The following CDH13 variants were observed in gnomAD, a reference collection of about 807,000 sequenced individuals.
CDH13 encodes the protein cadherin-13.
In CDH13, 24 loss-of-function variants were observed where a neutral mutation model predicts 63.8. The observed-to-expected ratio is 0.38, with a 90% CI of 0.27 to 0.53. The LOEUF is 0.53. Among genes scored for constraint, CDH13 ranks in the 20% least tolerant of loss-of-function variants. The probability of loss-of-function intolerance (pLI) is 0.85; values close to 1 mark genes in which losing one functional copy is unlikely to be tolerated. For missense variants in CDH13, 1,049 were observed against 903.1 expected (o/e 1.16, Z -2.07); for synonymous variants, 503 against 355.3 (o/e 1.42, Z -4.67).
chr16:83,613,008 T>C (rs569246866), intron 8 of CDH13, among the ~76,000 whole-genome samples: 16 of 152,324 alleles, frequency 1.1e-4, no homozygotes, highest in African/African-American at 3.8e-4. Flanking sequence ...TTCTCTCATA[T>C]ATTATCTAAA....
intron 4 of CDH13, among the ~76,000 whole-genome samples, chr16:83,186,175 A>G (rs2038517158): frequency 6.7e-6 from 1 of 149,774 alleles, no homozygotes; most frequent in Admixed American, 6.8e-5. Context: ...TCACTATGTC[A>G]CCAGGCTGGA....
intron 4 of CDH13, among the ~76,000 whole-genome samples, chr16:83,202,816 C>T (rs751512850): frequency 4.6e-5 from 7 of 151,976 alleles, no homozygotes; most frequent in South Asian, 2.1e-4. Context: ...TAAATAAGTG[C>T]GTAAATATTT....
At chr16:83,746,264 C>T (rs1048155693) in intron 10 of CDH13, among the ~76,000 whole-genome samples, 3 of 152,162 alleles carry the variant, frequency 2.0e-5, no homozygotes, top group Non-Finnish European at 4.4e-5. Context: ...TGCCACTCCC[C>T]ACTTCTGGTG....
chr16:82,691,059 A>C (rs1294617706), intron 1 of CDH13, among the ~76,000 whole-genome samples: 3 of 152,226 alleles, frequency 2.0e-5, no homozygotes, highest in Non-Finnish European at 4.4e-5. Flanking sequence ...TTTTGGATTC[A>C]TTTACACATT....
chr16:83,517,376 C>G (rs754592885), intron 7 of CDH13, among the ~76,000 whole-genome samples: 11 of 152,206 alleles, frequency 7.2e-5, no homozygotes, highest in Non-Finnish European at 1.5e-4. Flanking sequence ...CTTTCTTGCT[C>G]AAGCTGTGAT....
At chr16:83,152,871 T>C in intron 4 of CDH13, among the ~76,000 whole-genome samples, 1 of 151,988 alleles carries the variant, frequency 6.6e-6, no homozygotes, top group Non-Finnish European at 1.5e-5. Flanking sequence ...CTGGTGTCCT[T>C]AGAAAAAGGA....
intron 6 of CDH13, among the ~76,000 whole-genome samples, chr16:83,447,096 CTTTTTTTTTTTTTTTTT>C (rs750432481): frequency 1.5e-3 from 62 of 41,518 alleles, no homozygotes; most frequent in African/African-American, 4.5e-3. Context: ...TTATAGTAAC[CTTTTTTTTTTTTTTTTT>C]TTTTTTTTTT....
chr16:83,049,889 A>T (rs2151502387), intron 3 of CDH13, among the ~76,000 whole-genome samples: 1 of 152,328 alleles, frequency 6.6e-6, no homozygotes, highest in South Asian at 2.1e-4. Flanking sequence ...CATACTTACA[A>T]GATTTATGAG....
At chr16:82,980,907 T>C (rs1036820758) in intron 2 of CDH13, among the ~76,000 whole-genome samples, 12 of 152,206 alleles carry the variant, frequency 7.9e-5, no homozygotes, top group African/African-American at 2.9e-4. Flanking sequence ...GCTGCTCCCG[T>C]TGTTAATTGA....
chr16:83,141,541 T>A (rs1325748539), intron 4 of CDH13, among the ~76,000 whole-genome samples: 1 of 152,210 alleles, frequency 6.6e-6, no homozygotes, highest in Non-Finnish European at 1.5e-5. Flanking sequence ...GGGATACATG[T>A]GCAGAATGTG....
chr16:83,096,442 T>C (rs995067120), intron 3 of CDH13, among the ~76,000 whole-genome samples: 1 of 152,202 alleles, frequency 6.6e-6, no homozygotes, highest in Non-Finnish European at 1.5e-5. Flanking sequence ...ATGGAAGGTA[T>C]CCTCTCTGTA....
At chr16:83,514,176 T>A (rs1302187881) in intron 7 of CDH13, among the ~76,000 whole-genome samples, 3 of 152,184 alleles carry the variant, frequency 2.0e-5, no homozygotes, top group Admixed American at 1.3e-4. Context: ...ATCCTCACAA[T>A]TACTCCATGC....
At chr16:83,179,557 C>G (rs1174956646) in intron 4 of CDH13, among the ~76,000 whole-genome samples, 1 of 149,764 alleles carries the variant, frequency 6.7e-6, no homozygotes, top group Admixed American at 6.7e-5. Flanking sequence ...GAGGCTGAGG[C>G]AGGGGAATGG....
chr16:82,652,391 G>T (rs750325625), intron 1 of CDH13, among the ~76,000 whole-genome samples: 14 of 152,280 alleles, frequency 9.2e-5, no homozygotes, highest in African/African-American at 3.1e-4. Flanking sequence ...AATAAGGAAC[G>T]ACCTCTCGTT....
chr16:83,458,989 GT>G (rs1177188234), intron 6 of CDH13, among the ~76,000 whole-genome samples: 3 of 152,172 alleles, frequency 2.0e-5, no homozygotes, highest in Admixed American at 2.0e-4. Context: ...TTTTCATGGG[GT>G]TTTTCTTTTT....
At chr16:83,698,293 G>T (rs963830150) in intron 10 of CDH13, among the ~76,000 whole-genome samples, 1 of 152,174 alleles carries the variant, frequency 6.6e-6, no homozygotes, top group Non-Finnish European at 1.5e-5. Flanking sequence ...GCAAATGAAT[G>T]CTAATTAAAT....
At chr16:83,570,868 ATATATT>A (rs1904542073) in intron 7 of CDH13, among the ~76,000 whole-genome samples, 1 of 140,070 alleles carries the variant, frequency 7.1e-6, no homozygotes, top group Non-Finnish European at 1.5e-5. Flanking sequence ...AAATATATTT[ATATATT>A]TATATTTATA....
chr16:83,795,335 C>A lies in CDH13; in HGVS notation c.*305C>A. 2.6e-6 allele frequency: 1 copy of A among 379,612 alleles called. No individual in the cohort carries two copies. Among genetic ancestry groups the A allele is most frequent in the Non-Finnish European group, 4.8e-6 (1 of 208,214 alleles). The allele number at this position is 379,612 out of a possible 1,614,324, so 23.5% of individuals were successfully genotyped here. A position where few individuals can be genotyped will look rare whatever the true frequency, so the allele number is the denominator to read the frequency against. ...TACTTTTTCTGGTGTGTTAACATGT[C>A]GCTAGCCAGTGCTCCAGGCACCCAG... is the stretch of plus-strand genomic sequence containing the variant. On this transcript the variant is annotated 3_prime_UTR_variant, in exon 14 of 14. Coordinates refer to ENST00000567109, the MANE Select transcript of CDH13 (RefSeq NM_001257.5).
intron 8 of CDH13, among the ~76,000 whole-genome samples, chr16:83,631,924 G>A (rs192300957): frequency 7.8e-4 from 119 of 152,296 alleles, no homozygotes; most frequent in Admixed American, 2.2e-3. Context: ...AAGAAGTCTC[G>A]TTCGCCAGCT....
Sources: gnomAD v4.1 joint callset for allele counts (sites outside exome capture counted in the v4.1 genomes callset) on GRCh38, gnomAD v4.1.1 for gene constraint, MANE v1.5 for transcripts, NCBI Gene and HGNC (gene_info 2026-07-23, HGNC 2026-07-21) for gene names.